ZNF506: variants seen among roughly 807,000 people sequenced by gnomAD.
ZNF506 encodes zinc finger protein 506.
A neutral mutation model predicts 11.6 loss-of-function variants in ZNF506; 10 were observed. That is an observed-to-expected ratio of 0.86 (90% CI 0.53 to 1.46). The LOEUF (loss-of-function observed/expected upper bound fraction) is 1.46, where lower values mean the gene tolerates loss of function less well. ZNF506 is among the 40% of genes most tolerant of loss of function. ZNF506 has a pLI of 0.00. For synonymous variants in ZNF506, 156 were observed against 173.3 expected (o/e 0.90, Z 0.78); for missense variants, 425 against 521.2 (o/e 0.82, Z 1.80).
At chr19:19,798,117 T>G (rs1316959082) in intron 3 of ZNF506, 1 of 152,146 alleles carries the variant, frequency 6.6e-6, no homozygotes, top group Non-Finnish European at 1.5e-5. Flanking sequence ...ACTTAACTAA[T>G]GTTAATTAGT....
rs2062846812 is a variant in ZNF506 at position 19,807,768 on chromosome 19, A to C, written c.4-700T>G. ...AGGTGATCCGCTGCTTCAGCCTCCC[A>C]AAGTGCTGGGATTATAGGCGTGAGC... On this transcript the variant is annotated intron_variant, in intron 1 of 3. Transcript: ENST00000540806. Among the ~76,000 whole-genome samples, 6 of 152,086 alleles carry C rather than the reference A, an allele frequency of 3.9e-5. No individual in the cohort carries two copies. The South Asian group carries it at 1.2e-3, about 31-fold the overall frequency.
At chr19:19,800,391 A>AATATATATATATATTTATATATATATAT (rs1555771286) in intron 3 of ZNF506, among the ~76,000 whole-genome samples, 3 of 139,238 alleles carry the variant, frequency 2.2e-5, no homozygotes, top group East Asian at 2.4e-4. Context: ...AACTAAACAG[A>AATATATATATATATTTATATATATATAT]ATATATATAT....
intron 1 of ZNF506, among the ~76,000 whole-genome samples, chr19:19,819,357 T>A (rs1453725042): frequency 6.6e-6 from 1 of 151,332 alleles, no homozygotes; most frequent in Admixed American, 6.6e-5. Context: ...AATCTTCATG[T>A]CTCAAGGGGT....
intron 1 of ZNF506, among the ~76,000 whole-genome samples, chr19:19,818,708 A>G (rs2062950391): frequency 6.6e-6 from 1 of 152,366 alleles, no homozygotes; most frequent in Non-Finnish European, 1.5e-5. Context: ...AATTACAGTT[A>G]AAACACTGAT....
intron 1 of ZNF506, among the ~76,000 whole-genome samples, chr19:19,819,955 G>C (rs991017755): frequency 1.3e-5 from 2 of 152,032 alleles, no homozygotes; most frequent in African/African-American, 2.4e-5. Flanking sequence ...AAATTAGCTG[G>C]GCGTGGTGGC....
chr19:19,818,716 G>A (rs1047867112), intron 1 of ZNF506, among the ~76,000 whole-genome samples: 3 of 152,122 alleles, frequency 2.0e-5, no homozygotes, highest in African/African-American at 4.8e-5. Context: ...TTAAAACACT[G>A]ATGCAGCTGA....
chr19:19,805,358 T>C (rs1221592801), intron 3 of ZNF506, among the ~76,000 whole-genome samples: 1 of 152,108 alleles, frequency 6.6e-6, no homozygotes, highest in African/African-American at 2.4e-5. Context: ...GATTGAAAGA[T>C]TAAATATTAC....
intron 3 of ZNF506, among the ~76,000 whole-genome samples, chr19:19,805,438 T>G (rs2062828255): frequency 6.6e-6 from 1 of 152,136 alleles, no homozygotes; most frequent in Non-Finnish European, 1.5e-5. Context: ...AGTGTTTTTT[T>G]TTCACAGTAA....
intron 1 of ZNF506, among the ~76,000 whole-genome samples, chr19:19,818,953 A>C (rs572461892): frequency 2.6e-5 from 4 of 152,330 alleles, no homozygotes; most frequent in African/African-American, 9.6e-5. Flanking sequence ...GAGCCACTGC[A>C]TTCCAGCCTG....
In ZNF506 at chr19:19,795,009, G is replaced by C. The variant is rs2062726953; in HGVS notation, c.878C>G (p.Ala293Gly). The change falls in exon 4 of 4, where the codon GCC (alanine) becomes GGC (glycine). Residue 293 changes from alanine (A) to glycine (G), a missense_variant. Physicochemically the swap from Ala to Gly is moderately conservative, Grantham distance 60 (BLOSUM62 0). Around this residue, in one of 3 missense-constraint regions of ZNF506, gnomAD observed 192 missense variants for 215.7 expected, o/e 0.89. Coordinates refer to ENST00000540806, the MANE Select transcript of ZNF506 (RefSeq NM_001099269.3). The part of the protein sequence containing the change: ...KPYKCDKCGK[A>G]FISSSTLTKH... ...AGTAAGGGTTGAGGATGAAATAAAG[G>C]CTTTGCCACATTTATCACACTTGTA... 1 of 1,613,758 alleles carries C rather than the reference G, an allele frequency of 6.2e-7. No individual in the cohort carries two copies.
intron 1 of ZNF506, among the ~76,000 whole-genome samples, chr19:19,817,193 C>T (rs953060364): frequency 2.6e-5 from 4 of 152,128 alleles, no homozygotes; most frequent in African/African-American, 9.7e-5. Flanking sequence ...ACATACAACC[C>T]CATTTTATGT....
chr19:19,821,682 G>T lies in ZNF506; in HGVS notation c.-79C>A, dbSNP rs566880621. On this transcript the variant is annotated 5_prime_UTR_variant, in exon 1 of 4. Coordinates refer to ENST00000540806, the MANE Select transcript of ZNF506 (RefSeq NM_001099269.3). ...CAGGTCACAGGGCCACAGAGGCTGG[G>T]CCTCTAGGAGCTGACGGCACAGAGC... 29 of 1,558,774 alleles carry T rather than the reference G, an allele frequency of 1.9e-5. No homozygotes were observed. The African/African-American group carries it at 3.5e-4, about 19-fold the overall frequency.
At chr19:19,812,973 G>A (rs2062894506) in intron 1 of ZNF506, among the ~76,000 whole-genome samples, 1 of 152,146 alleles carries the variant, frequency 6.6e-6, no homozygotes, top group African/African-American at 2.4e-5. Flanking sequence ...CCTAGCCATT[G>A]AATAGGGGTT....
intron 1 of ZNF506, among the ~76,000 whole-genome samples, chr19:19,809,508 G>C (rs920366259): frequency 6.6e-6 from 1 of 152,080 alleles, no homozygotes; most frequent in Non-Finnish European, 1.5e-5. Context: ...TCTCAGATGA[G>C]ACTCTCTGAA....
In ZNF506 at chr19:19,806,126, C is replaced by T. The variant is rs201188655; in HGVS notation, c.131G>A (p.Gly44Asp). ...CAGGTTTGGTTTAGAGACAACAATA[C>T]CTGTTTTATTAAGAATAAATAATAT... ...LENYRNLIFL[G>D]IVVSKPNLIT... Residue 44 changes from glycine to aspartate, a missense_variant and splice_region_variant, in exon 3 of 4, where the codon GGT (glycine) becomes GAT (aspartate). By Grantham distance (94) the Gly-to-Asp change is moderately conservative. Transcript: ENST00000540806. 13 of 1,596,632 alleles carry T rather than the reference C, an allele frequency of 8.1e-6. No individual in the cohort carries two copies. The highest frequency in any genetic ancestry group is 1.1e-5 in the Non-Finnish European group (13 of 1,172,136).
intron 3 of ZNF506, chr19:19,799,578 T>C (rs2062773143): frequency 6.1e-6 from 3 of 489,822 alleles, no homozygotes; most frequent in Non-Finnish European, 7.1e-6. Context: ...TTCAAATATA[T>C]AGAAATGATA....
At chr19:19,820,735 C>T (rs975369608) in intron 1 of ZNF506, 1 of 152,192 alleles carries the variant, frequency 6.6e-6, no homozygotes. Flanking sequence ...CGTAACTATA[C>T]CTAATCAATT....
intron 1 of ZNF506, among the ~76,000 whole-genome samples, chr19:19,811,363 T>C (rs1355354343): frequency 6.6e-6 from 1 of 152,158 alleles, no homozygotes; most frequent in East Asian, 1.9e-4. Context: ...TTTCACCATA[T>C]TGGCCAGGCT....
intron 1 of ZNF506, among the ~76,000 whole-genome samples, chr19:19,813,725 C>T (rs2145201602): frequency 6.6e-6 from 1 of 152,298 alleles, no homozygotes; most frequent in Middle Eastern, 3.4e-3. Context: ...AATCCCAGCA[C>T]TTTGGGAGGA....
Sources: allele counts gnomAD v4.1 joint callset (sites outside exome capture counted in the v4.1 genomes callset), GRCh38; gene constraint gnomAD v4.1.1; regional missense constraint gnomAD v4.1.1; transcripts MANE v1.5; gene names NCBI Gene and HGNC (gene_info 2026-07-23, HGNC 2026-07-21).